Variants in PDE9A observed in about 807,000 individuals in gnomAD.
PDE9A encodes phosphodiesterase 9A, also known as high affinity cGMP-specific 3',5'-cyclic phosphodiesterase 9A.
PDE9A carries 60 observed loss-of-function variants against 87.4 expected under a neutral mutation model. The observed-to-expected ratio is 0.69, with a 90% CI of 0.56 to 0.85. The LOEUF (loss-of-function observed/expected upper bound fraction) is 0.85, where lower values mean the gene tolerates loss of function less well. PDE9A is among the 40% of genes least tolerant of loss of function. The probability of loss-of-function intolerance (pLI) is 0.00; values close to 1 mark genes in which losing one functional copy is unlikely to be tolerated. For synonymous variants in PDE9A, 272 were observed against 279.4 expected, an observed-to-expected ratio of 0.97 and a Z score of 0.27; for missense variants, 665 against 779.0, an observed-to-expected ratio of 0.85 and a Z score of 1.74.
At chr21:42,718,625 C>T (rs2050182704) in intron 4 of PDE9A, among the ~76,000 whole-genome samples, 1 of 151,356 alleles carries the variant, frequency 6.6e-6, no homozygotes, top group Admixed American at 6.6e-5. Context: ...GCACTTGACT[C>T]TTGTTCATAG....
chr21:42,714,665 C>CT (rs1052033525), intron 4 of PDE9A, among the ~76,000 whole-genome samples: 1 of 144,764 alleles, frequency 6.9e-6, no homozygotes, highest in Non-Finnish European at 1.5e-5. Flanking sequence ...ATTAGCTCTC[C>CT]CAGTCTTTGT....
intron 1 of PDE9A, among the ~76,000 whole-genome samples, chr21:42,678,247 C>A (rs541579309): frequency 6.6e-6 from 1 of 152,214 alleles, no homozygotes; most frequent in African/African-American, 2.4e-5. Flanking sequence ...TCTGTTATTA[C>A]CAGCCCTTCT....
At chr21:42,669,287 G>T (rs930742175) in intron 1 of PDE9A, among the ~76,000 whole-genome samples, 1 of 152,098 alleles carries the variant, frequency 6.6e-6, no homozygotes, top group Non-Finnish European at 1.5e-5. Flanking sequence ...TCCAGCTGCT[G>T]GTGGCTGCCA....
At chr21:42,670,179 ATACACT>A (rs548010701) in intron 1 of PDE9A, among the ~76,000 whole-genome samples, 3,509 of 147,750 alleles carry the variant, frequency 0.024, 63 homozygotes, top group Middle Eastern at 0.048. Flanking sequence ...ACACGCACAC[ATACACT>A]TACACACATT....
intron 15 of PDE9A, 98 bp from the exon 16 acceptor site, chr21:42,768,090 G>A (rs533442086): frequency 2.9e-5 from 22 of 763,458 alleles, no homozygotes; most frequent in East Asian, 5.0e-5. Context: ...CAGGTCCTCC[G>A]TCTCTTCCTG....
At chr21:42,728,818 G>A (rs2051410960) in intron 4 of PDE9A, among the ~76,000 whole-genome samples, 1 of 151,970 alleles carries the variant, frequency 6.6e-6, no homozygotes, top group Non-Finnish European at 1.5e-5. Flanking sequence ...TGGCTAACAT[G>A]CTAAAACCCC....
intron 4 of PDE9A, chr21:42,724,685 C>T: frequency 1.4e-6 from 1 of 716,134 alleles, no homozygotes; most frequent in Non-Finnish European, 1.7e-6. Flanking sequence ...ACTGGGAGCG[C>T]AGCTTTGTGT....
At chr21:42,683,290 C>A (rs2059267621) in intron 1 of PDE9A, among the ~76,000 whole-genome samples, 1 of 152,194 alleles carries the variant, frequency 6.6e-6, no homozygotes, top group South Asian at 2.1e-4. Context: ...CCATCAGAAG[C>A]TGTCCCCAGG....
In PDE9A at chr21:42,675,601, G is replaced by A. The variant is rs1192473029; in HGVS notation, c.70-10591G>A. On this transcript the variant is annotated intron_variant, in intron 1 of 19. Coordinates refer to ENST00000291539, the MANE Select transcript of PDE9A (RefSeq NM_002606.3). This position sits in a 1 kb window ranked among gnomAD's most constrained non-coding sequence, Gnocchi z 4.3. The stretch of plus-strand genomic sequence containing the variant: ...CAGCGCTGTGTGGATACACGGGCCC[G>A]AACGGCGCCAGCCTCACTGCCTCTG... 2.0e-5 allele frequency among the ~76,000 whole-genome samples: 3 copies of A among 152,240 alleles called. No individual in the cohort carries two copies. Among genetic ancestry groups the A allele is most frequent in the African/African-American group, 4.8e-5 (2 of 41,456 alleles).
intron 4 of PDE9A, among the ~76,000 whole-genome samples, chr21:42,725,763 G>A (rs1017837836): frequency 2.6e-5 from 4 of 152,168 alleles, no homozygotes; most frequent in African/African-American, 4.8e-5. Context: ...CATCTGCATC[G>A]TTTGCATTTG....
chr21:42,703,268 C>T (rs1488651388), intron 4 of PDE9A, among the ~76,000 whole-genome samples: 1 of 152,186 alleles, frequency 6.6e-6, no homozygotes, highest in Non-Finnish European at 1.5e-5. Flanking sequence ...GGCGGCCTCT[C>T]GGCTGTCGGC....
At chr21:42,743,370 T>C (rs2053509441) in intron 7 of PDE9A, among the ~76,000 whole-genome samples, 1 of 152,266 alleles carries the variant, frequency 6.6e-6, no homozygotes, top group Non-Finnish European at 1.5e-5. Flanking sequence ...TGCATTTTAA[T>C]GCTCTGGCAC....
chr21:42,726,622 A>ATTTTT (rs1445924271), intron 4 of PDE9A, among the ~76,000 whole-genome samples: 16 of 25,218 alleles, frequency 6.3e-4, no homozygotes, highest in African/African-American at 1.2e-3. Flanking sequence ...ATATATATAT[A>ATTTTT]TATTTTTTTT....
At chr21:42,726,624 A>ATATATATATATT in intron 4 of PDE9A, among the ~76,000 whole-genome samples, 70 of 19,768 alleles carry the variant, frequency 3.5e-3, no homozygotes, top group Non-Finnish European at 4.9e-3. Context: ...ATATATATAT[A>ATATATATATATT]TTTTTTTTTT....
At chr21:42,743,881 A>G in intron 8 of PDE9A, 21 bp downstream of exon 8, 2 of 1,493,488 alleles carry the variant, frequency 1.3e-6, no homozygotes, top group Non-Finnish European at 1.8e-6. Flanking sequence ...CGCTGGGGCC[A>G]CGGGCGGCCG....
At chr21:42,766,622 G>A (rs372583993) in intron 15 of PDE9A, among the ~76,000 whole-genome samples, 6 of 152,306 alleles carry the variant, frequency 3.9e-5, no homozygotes, top group East Asian at 1.9e-4. Context: ...CGAGAGGATG[G>A]GAGCTCCCGC....
chr21:42,699,371 G>A (rs995330881), intron 4 of PDE9A, among the ~76,000 whole-genome samples: 1 of 152,056 alleles, frequency 6.6e-6, no homozygotes, highest in East Asian at 1.9e-4. Context: ...CCTGCCCCTC[G>A]GCCAGAGGCC....
At chr21:42,664,047 G>C (rs751828837) in intron 1 of PDE9A, among the ~76,000 whole-genome samples, 7 of 152,342 alleles carry the variant, frequency 4.6e-5, no homozygotes, top group Admixed American at 1.3e-4. Context: ...AGGACGGCCC[G>C]GGGCCGAGTC....
chr21:42,708,096 T>C lies in PDE9A; in HGVS notation c.262+9085T>C, dbSNP rs564838050. Among the ~76,000 whole-genome samples, 91 of 152,328 alleles carry C rather than the reference T, an allele frequency of 6.0e-4. 1 individual carries two copies. Among genetic ancestry groups the C allele is most frequent in the African/African-American group, 2.1e-3 (86 of 41,572 alleles). On this transcript the variant is annotated intron_variant, in intron 4 of 19. Transcript: ENST00000291539. ...CATGAGAAATAATAATGCTCCTTAA[T>C]AATATTGTCTATTTCAGTGCAATTT...
Sources: gnomAD v4.1 joint callset for allele counts (sites outside exome capture counted in the v4.1 genomes callset) on GRCh38, gnomAD v4.1.1 for gene constraint, Gnocchi (gnomAD v3.1) non-coding constraint, MANE v1.5 for transcripts, NCBI Gene and HGNC (gene_info 2026-07-23, HGNC 2026-07-21) for gene names.